The following VPS13C variants were observed in gnomAD, a reference collection of about 807,000 sequenced individuals.
VPS13C encodes vacuolar protein sorting 13 homolog C, also known as intermembrane lipid transfer protein VPS13C.
Under a neutral mutation model 456.8 loss-of-function variants are expected in VPS13C, and 358 were observed. The observed-to-expected ratio is 0.78, with a 90% CI of 0.72 to 0.86. The LOEUF is 0.86. VPS13C is among the 40% of genes least tolerant of loss of function. The pLI is 0.00. For missense variants in VPS13C, 4,818 were observed against 4,385.4 expected (o/e 1.10, Z -2.79); for synonymous variants, 1,578 against 1,486.7 (o/e 1.06, Z -1.41).
At chr15:61,876,708 T>A (rs1895451022) in intron 75 of VPS13C, among the ~76,000 whole-genome samples, 1 of 151,966 alleles carries the variant, frequency 6.6e-6, no homozygotes, top group African/African-American at 2.4e-5. Context: ...TCAAGTATAA[T>A]GACTATAAAG....
At chr15:62,037,855 C>T (rs1022949027) in intron 3 of VPS13C, among the ~76,000 whole-genome samples, 7 of 152,062 alleles carry the variant, frequency 4.6e-5, no homozygotes, top group African/African-American at 1.7e-4. Context: ...CCTAAAGATG[C>T]TTTCAATCTA....
At chr15:62,002,816 G>T (rs2046678468) in intron 15 of VPS13C, among the ~76,000 whole-genome samples, 2 of 152,308 alleles carry the variant, frequency 1.3e-5, no homozygotes, top group Admixed American at 6.5e-5. Context: ...GTTTGTCAAA[G>T]ATCAGATAGT....
At chr15:61,986,621 G>A (rs2046064445) in intron 18 of VPS13C, among the ~76,000 whole-genome samples, 1 of 152,076 alleles carries the variant, frequency 6.6e-6, no homozygotes, top group Admixed American at 6.6e-5. Flanking sequence ...GAAACCTCAA[G>A]ATGTCCAAAC....
At chr15:61,897,717 A>G (rs2042871641) in intron 66 of VPS13C, among the ~76,000 whole-genome samples, 1 of 152,200 alleles carries the variant, frequency 6.6e-6, no homozygotes, top group Non-Finnish European at 1.5e-5. Flanking sequence ...ATCTAGTAAG[A>G]CAGGCCAACG....
chr15:62,021,248 G>A (rs2047450399), intron 8 of VPS13C, among the ~76,000 whole-genome samples: 1 of 151,670 alleles, frequency 6.6e-6, no homozygotes, highest in African/African-American at 2.4e-5. Context: ...CCACTATGCA[G>A]TATATCATGT....
At position 61,910,017 on chromosome 15, in the gene VPS13C, A is replaced by C. The variant is rs149209141; in HGVS notation, c.8844+160T>G. ...GGGGAGGAATAGCATTAAGAGATAT[A>C]CCTAATGTAAATAACAAGTTAATGG... On this transcript the variant is annotated intron_variant, in intron 64 of 84. Transcript: ENST00000644861. 6.7e-3 allele frequency among the ~76,000 whole-genome samples: 1,019 copies of C among 151,932 alleles called. 9 individuals carry two copies. The highest frequency in any genetic ancestry group is 0.024 in the African/African-American group (977 of 41,386).
rs987440648 is a variant in VPS13C at position 61,984,012 on chromosome 15, C to T, written c.1722G>A (p.Lys574=). ...ACCAGTGTTCTAATTTCGCTTCTAC[C>T]CTATAATCCAATGAAGAACAAGGAA... ...VSQRPGAQAL[K]VEAKLEHWYI... is the part of the protein sequence containing the mutation. Residue 574 remains lysine (K), a splice_region_variant and synonymous_variant, in exon 20 of 85, where the codon AAG becomes AAA. Transcript: ENST00000644861. 2 of 1,608,830 alleles carry T rather than the reference C, an allele frequency of 1.2e-6. No homozygotes were observed. The highest frequency in any genetic ancestry group is 1.7e-6 in the Non-Finnish European group (2 of 1,177,134).
At chr15:62,006,822 T>C (rs186121483) in intron 15 of VPS13C, among the ~76,000 whole-genome samples, 185 of 152,318 alleles carry the variant, frequency 1.2e-3, no homozygotes, top group Middle Eastern at 6.8e-3. Flanking sequence ...TGGTATCTCA[T>C]TGTGGTTTTG....
In VPS13C at chr15:61,952,467, T is replaced by C. The variant is rs146011099; in HGVS notation, c.4300-487A>G. 6.6e-4 allele frequency among the ~76,000 whole-genome samples: 100 copies of C among 152,282 alleles called. 1 individual carries two copies. In the East Asian group the frequency reaches 0.016, roughly 24 times the overall value. ...GGGAGGAGAACAATCATAATATATATTACAAAGAATATTTAAAAGGTCTTA... is the reference window on the plus strand; with the variant it reads ...GGGAGGAGAACAATCATAATATATACTACAAAGAATATTTAAAAGGTCTTA... On this transcript the variant is annotated intron_variant, in intron 38 of 84. Transcript: ENST00000644861.
rs751469348 is a variant in VPS13C at position 61,929,599 on chromosome 15, A to T, written c.6188T>A (p.Phe2063Tyr). The T allele has an allele frequency of 6.2e-7, 1 of 1,614,120 alleles. No homozygotes were observed. The highest frequency in any genetic ancestry group is 1.1e-5 in the South Asian group (1 of 91,082). ...SVEFLMTVAD[F>Y]FIKAVPQSPE... ...ACTCTGAGGCACAGCTTTGATAAAG[A>T]AATCTGCCACAGTCATCAGAAATTC... Residue 2063 changes from phenylalanine (F) to tyrosine (Y), a missense_variant, in exon 51 of 85, where the codon TTC becomes TAC. By Grantham distance (22) the Phe-to-Tyr change is conservative. Around this residue, in one of 3 missense-constraint regions of VPS13C, gnomAD observed 4,552 missense variants for 4,130.6 expected, o/e 1.10. Transcript: ENST00000644861.
Position 61,873,293 on chromosome 15 carries a change from T to C in VPS13C, c.10531A>G (p.Arg3511Gly). The C allele has an allele frequency of 6.2e-7, 1 of 1,613,758 alleles. No individual in the cohort carries two copies. Among genetic ancestry groups the C allele is most frequent in the Non-Finnish European group, 8.5e-7 (1 of 1,179,732 alleles). The change falls in exon 78 of 85, where the codon AGA becomes GGA. Residue 3511 changes from arginine (R) to glycine (G), a missense_variant. Arg to Gly is a moderately radical substitution (Grantham distance 125, BLOSUM62 -2). This residue lies in a region of VPS13C where 4,552 missense variants were observed against 4,130.6 expected (regional missense o/e 1.10). Transcript: ENST00000644861. ...KRREELSRQPRDFGDSLARGG... is the reference protein window; with the variant it reads ...KRREELSRQPGDFGDSLARGG... ...CTGGCCAGGCTGTCTCCAAAATCTCTGGGCTGTCGACTCAACTCTTCTCTT... is the reference window on the plus strand; with the variant it reads ...CTGGCCAGGCTGTCTCCAAAATCTCCGGGCTGTCGACTCAACTCTTCTCTT...
intron 5 of VPS13C, among the ~76,000 whole-genome samples, chr15:62,031,078 C>T (rs8025404): frequency 0.44 from 67,043 of 151,864 alleles, 16,034 homozygotes; most frequent in Admixed American, 0.57. Flanking sequence ...AGGAGAAAAA[C>T]ATCAAAGAGT....
intron 53 of VPS13C, among the ~76,000 whole-genome samples, chr15:61,923,262 A>G (rs138064248): frequency 1.3e-5 from 2 of 151,798 alleles, no homozygotes; most frequent in Non-Finnish European, 2.9e-5. Context: ...AAGCTGGAAG[A>G]CTCAAAATCA....
intron 66 of VPS13C, among the ~76,000 whole-genome samples, chr15:61,905,803 A>C (rs1193018206): frequency 3.3e-5 from 5 of 152,118 alleles, no homozygotes; most frequent in African/African-American, 1.2e-4. Flanking sequence ...TCTCTAATAA[A>C]ATTTAGGATT....
At chr15:61,927,488 C>A in intron 51 of VPS13C, 168 bp from the exon 52 acceptor site, 3 of 596,654 alleles carry the variant, frequency 5.0e-6, no homozygotes, top group Non-Finnish European at 8.8e-6. Context: ...TGATTATTAA[C>A]AAATGCAGAT....
chr15:61,871,926 C>G, intron 79 of VPS13C, 63 bp downstream of exon 79: 2 of 1,417,310 alleles, frequency 1.4e-6, no homozygotes, highest in Non-Finnish European at 2.0e-6. Context: ...ATAACATCTA[C>G]TATGTTTACT....
intron 4 of VPS13C, among the ~76,000 whole-genome samples, chr15:62,034,699 C>T (rs1167174721): frequency 6.6e-6 from 1 of 151,610 alleles, no homozygotes; most frequent in African/African-American, 2.4e-5. Flanking sequence ...GCCTTAGTTG[C>T]AAAACAAGTA....
intron 82 of VPS13C, among the ~76,000 whole-genome samples, chr15:61,861,912 C>T (rs535150765): frequency 6.6e-6 from 1 of 152,206 alleles, no homozygotes; most frequent in South Asian, 2.1e-4. Context: ...CTAGCCTGGA[C>T]AACATAACAA....
chr15:61,961,692 T>C lies in VPS13C; in HGVS notation c.3805A>G (p.Ile1269Val), dbSNP rs1360036469. The part of the protein sequence containing the change: ...TNAVVVDLGL[I>V]RVHNQFSLVS... ...AGACTGAACTGATTATGAACTCTGATTAACCCAAGATCTACCACTACTGCA... is the reference window on the plus strand; with the variant it reads ...AGACTGAACTGATTATGAACTCTGACTAACCCAAGATCTACCACTACTGCA... Residue 1269 changes from isoleucine to valine, a missense_variant, in exon 35 of 85, where the codon ATC becomes GTC. This residue lies in a region of VPS13C where 4,552 missense variants were observed against 4,130.6 expected (regional missense o/e 1.10). Transcript: ENST00000644861. 1 of 1,613,726 alleles carries C rather than the reference T, an allele frequency of 6.2e-7. No homozygotes were observed. Among genetic ancestry groups the C allele is most frequent in the Non-Finnish European group, 8.5e-7 (1 of 1,179,888 alleles).
Sources: allele counts gnomAD v4.1 joint callset (sites outside exome capture counted in the v4.1 genomes callset), GRCh38; gene constraint gnomAD v4.1.1; regional missense constraint gnomAD v4.1.1; transcripts MANE v1.5; gene names NCBI Gene and HGNC (gene_info 2026-07-23, HGNC 2026-07-21).